The following MYH15 variants were observed in gnomAD, a reference collection of about 807,000 sequenced individuals.
The protein encoded by MYH15 is myosin-15.
MYH15 carries 227 observed loss-of-function variants against 240.5 expected under a neutral mutation model. The ratio of observed to expected loss-of-function variants is 0.94; its 90% CI spans 0.85 to 1.05. The LOEUF (loss-of-function observed/expected upper bound fraction) is 1.05. Ranked by LOEUF, MYH15 falls within the 50% of genes least tolerant of loss-of-function variation. The pLI is 0.00. For missense variants in MYH15, 2,217 were observed against 2,247.5 expected (o/e 0.99, Z 0.27); for synonymous variants, 785 against 796.7 (o/e 0.99, Z 0.25).
chr3:108,405,990 A>G (rs2082543909), intron 32 of MYH15, among the ~76,000 whole-genome samples: 1 of 152,240 alleles, frequency 6.6e-6, no homozygotes, highest in Non-Finnish European at 1.5e-5. Flanking sequence ...TGTAACACTC[A>G]GTGTGAGCCA....
intron 10 of MYH15, 70 bp from the exon 11 acceptor site, chr3:108,485,299 T>C: frequency 6.4e-7 from 1 of 1,555,016 alleles, no homozygotes; most frequent in Non-Finnish European, 8.8e-7. Context: ...TCACCCCCGC[T>C]GTGTTACACC....
chr3:108,455,881 A>G, intron 19 of MYH15, 22 bp from the exon 20 acceptor site: 1 of 1,601,846 alleles, frequency 6.2e-7, no homozygotes, highest in Non-Finnish European at 8.6e-7. Flanking sequence ...TAAAGAAAAA[A>G]TCATGAGTTT....
intron 14 of MYH15, among the ~76,000 whole-genome samples, chr3:108,466,257 G>A (rs1309126696): frequency 6.6e-6 from 1 of 152,228 alleles, no homozygotes; most frequent in African/African-American, 2.4e-5. Context: ...CCAACTTGCT[G>A]ATGGAGAGAA....
intron 1 of MYH15, among the ~76,000 whole-genome samples, chr3:108,521,328 AC>A (rs1194833098): frequency 2.0e-5 from 3 of 152,042 alleles, no homozygotes; most frequent in African/African-American, 4.8e-5. Context: ...TTTTTACAAA[AC>A]CTGAAAATGT....
chr3:108,501,645 C>A, intron 3 of MYH15, 67 bp downstream of exon 3: 2 of 1,594,982 alleles, frequency 1.3e-6, no homozygotes, highest in Non-Finnish European at 1.7e-6. Context: ...AGAGATCACC[C>A]AGGAGAGATT....
In MYH15 at chr3:108,460,332, C is replaced by A. The variant is rs2083060567; in HGVS notation, c.1900G>T (p.Ala634Ser). The stretch of plus-strand genomic sequence containing the variant: ...AGAGATGCAACCGTTTGGAATGAAG[C>A]TCCTTTCTTTCGTTTCTTCTCCCCA... ...PFGEKKRKKG[A>S]SFQTVASLHK... The change falls in exon 17 of 41, where the codon GCT becomes TCT. Residue 634 changes from alanine (A) to serine (S), a missense_variant. By Grantham distance (99) the Ala-to-Ser change is moderately conservative. Coordinates refer to ENST00000693548, the MANE Select transcript of MYH15 (RefSeq NM_014981.3). 2.5e-6 allele frequency: 4 copies of A among 1,602,398 alleles called. No individual in the cohort carries two copies. The South Asian group carries it at 3.4e-5, about 14-fold the overall frequency.
intron 12 of MYH15, among the ~76,000 whole-genome samples, chr3:108,471,180 C>A (rs182385128): frequency 2.0e-5 from 3 of 151,692 alleles, no homozygotes; most frequent in African/African-American, 7.3e-5. Flanking sequence ...AGTAAGCTAG[C>A]CTGGTGCCTC....
intron 12 of MYH15, 91 bp from the exon 13 acceptor site, chr3:108,470,938 A>G (rs2083168869): frequency 1.5e-6 from 2 of 1,317,422 alleles, no homozygotes; most frequent in Non-Finnish European, 2.1e-6. Context: ...TTCTAGTCAA[A>G]TTAGGATGTC....
intron 18 of MYH15, among the ~76,000 whole-genome samples, chr3:108,457,502 G>A (rs2083033052): frequency 6.6e-6 from 1 of 152,042 alleles, no homozygotes; most frequent in Non-Finnish European, 1.5e-5. Context: ...GCTGTCAGCT[G>A]CAACGTCCAA....
chr3:108,547,900 T>A, the MYH15 span, among the ~76,000 whole-genome samples: 1 of 152,214 alleles, frequency 6.6e-6, no homozygotes, highest in African/African-American at 2.4e-5. Context: ...AAATTACTTA[T>A]TATTTCCAAA....
intron 1 of MYH15, among the ~76,000 whole-genome samples, chr3:108,521,444 G>A (rs761651069): frequency 1.1e-4 from 16 of 151,356 alleles, no homozygotes; most frequent in Non-Finnish European, 2.1e-4. Flanking sequence ...TAGTTCATGC[G>A]ATCAGTTCTC....
At chr3:108,530,096 A>G (rs1236556483), upstream of MYH15, among the ~76,000 whole-genome samples, 2 of 152,206 alleles carry the variant, frequency 1.3e-5, no homozygotes, top group Admixed American at 1.3e-4. Flanking sequence ...TTCATACTTC[A>G]TGGGGAATCA....
At chr3:108,430,963 T>C (rs771240005) in intron 25 of MYH15, 41 bp from the exon 26 acceptor site, 4 of 1,372,034 alleles carry the variant, frequency 2.9e-6, no homozygotes, top group Middle Eastern at 1.8e-4. Flanking sequence ...TTCAGAATAA[T>C]AACATTTTGT....
rs944332591 is a variant in MYH15 at position 108,429,727 on chromosome 3, A to T, written c.3313-846T>A. Among the ~76,000 whole-genome samples the T allele has an allele frequency of 3.3e-5, 5 of 152,302 alleles. No homozygotes were observed. The East Asian group carries it at 9.6e-4, about 29-fold the overall frequency. On this transcript the variant is annotated intron_variant, in intron 26 of 40. Transcript: ENST00000693548. ...TATGTTTTCCTTTCCATTAAATAAG[A>T]CTACTGTGGCTTAGAAAAAACTAAT... is the stretch of plus-strand genomic sequence containing the variant.
chr3:108,497,769 A>C (rs1260648582), intron 6 of MYH15, among the ~76,000 whole-genome samples: 3 of 152,200 alleles, frequency 2.0e-5, no homozygotes, highest in African/African-American at 7.2e-5. Context: ...TTGAATCTTG[A>C]GGACTTAACT....
intron 31 of MYH15, among the ~76,000 whole-genome samples, chr3:108,409,795 T>C (rs2082574174): frequency 6.6e-6 from 1 of 152,240 alleles, no homozygotes; most frequent in South Asian, 2.1e-4. Flanking sequence ...TGAAATATTT[T>C]TACATGTGCA....
At chr3:108,423,743 C>A (rs1019630952) in intron 27 of MYH15, among the ~76,000 whole-genome samples, 4 of 152,210 alleles carry the variant, frequency 2.6e-5, no homozygotes, top group African/African-American at 9.6e-5. Context: ...ATTCACACAG[C>A]TATTAAATGT....
intron 1 of MYH15, among the ~76,000 whole-genome samples, chr3:108,506,760 CAG>C (rs1443457321): frequency 6.6e-6 from 1 of 152,164 alleles, no homozygotes; most frequent in Non-Finnish European, 1.5e-5. Context: ...AGGCAGGGCA[CAG>C]TGGCTCACGC....
intron 28 of MYH15, among the ~76,000 whole-genome samples, chr3:108,418,348 T>C (rs995701668): frequency 2.0e-5 from 3 of 152,238 alleles, no homozygotes; most frequent in Non-Finnish European, 4.4e-5. Flanking sequence ...CTTAAGGACA[T>C]CCTTAAGTGA....
Sources: allele counts gnomAD v4.1 joint callset (sites outside exome capture counted in the v4.1 genomes callset), GRCh38; gene constraint gnomAD v4.1.1; transcripts MANE v1.5; gene names NCBI Gene and HGNC (gene_info 2026-07-23, HGNC 2026-07-21).